CTNNA3: variants seen among roughly 807,000 people sequenced by gnomAD.
CTNNA3 encodes the protein catenin alpha-3.
CTNNA3 carries 76 observed loss-of-function variants against 95.7 expected under a neutral mutation model. The observed-to-expected ratio is 0.79, with a 90% CI of 0.66 to 0.96. The LOEUF is 0.96. Ranked by LOEUF, CTNNA3 falls within the 40% of genes least tolerant of loss-of-function variation. The pLI, the probability that CTNNA3 is intolerant of heterozygous loss-of-function variation, is 0.00. For missense variants in CTNNA3, 1,191 were observed against 1,089.8 expected (o/e 1.09, Z -1.31); for synonymous variants, 431 against 374.4 (o/e 1.15, Z -1.74).
intron 1 of CTNNA3, among the ~76,000 whole-genome samples, chr10:67,706,122 C>A (rs1300591052): frequency 6.6e-6 from 1 of 152,006 alleles, no homozygotes; most frequent in Non-Finnish European, 1.5e-5. Context: ...AGCTGGTGAC[C>A]ACTAGTGTCT....
chr10:66,426,573 T>G (rs944905423), intron 11 of CTNNA3, among the ~76,000 whole-genome samples: 2 of 152,106 alleles, frequency 1.3e-5, no homozygotes, highest in Non-Finnish European at 2.9e-5. Context: ...CACATAAAAC[T>G]TAATTGCTTT....
chr10:66,052,646 C>G (rs946188647), intron 15 of CTNNA3, among the ~76,000 whole-genome samples: 5 of 151,702 alleles, frequency 3.3e-5, no homozygotes, highest in Admixed American at 2.0e-4. Context: ...TGAGCACTAG[C>G]GAAAAATGGG....
intron 7 of CTNNA3, among the ~76,000 whole-genome samples, chr10:66,846,645 G>GA (rs1009340494): frequency 1.3e-5 from 2 of 151,592 alleles, no homozygotes; most frequent in East Asian, 1.9e-4. Flanking sequence ...GTATAGCTAT[G>GA]AAAAAAAAGA....
At chr10:67,657,965 G>C (rs912557238) in intron 1 of CTNNA3, among the ~76,000 whole-genome samples, 1 of 152,078 alleles carries the variant, frequency 6.6e-6, no homozygotes, top group African/African-American at 2.4e-5. Context: ...CCAGCAGAGG[G>C]AGGGCTAGAT....
At chr10:66,753,750 T>C (rs1839259224) in intron 9 of CTNNA3, among the ~76,000 whole-genome samples, 2 of 149,440 alleles carry the variant, frequency 1.3e-5, no homozygotes, top group Admixed American at 1.3e-4. Context: ...AATCTGAAAA[T>C]GAAATTAAGA....
intron 12 of CTNNA3, among the ~76,000 whole-genome samples, chr10:66,341,049 G>T (rs2092448802): frequency 6.6e-6 from 1 of 151,882 alleles, no homozygotes; most frequent in Admixed American, 6.6e-5. Context: ...AGTGGATACA[G>T]ATTAAGTGCC....
At chr10:67,690,193 T>C (rs1207001934) in intron 1 of CTNNA3, among the ~76,000 whole-genome samples, 1 of 152,144 alleles carries the variant, frequency 6.6e-6, no homozygotes, top group Non-Finnish European at 1.5e-5. Context: ...TTACGGCTCT[T>C]AAAGGCAGCA....
intron 7 of CTNNA3, among the ~76,000 whole-genome samples, chr10:66,858,722 G>T (rs574889207): frequency 6.6e-6 from 1 of 151,952 alleles, no homozygotes; most frequent in South Asian, 2.1e-4. Context: ...CTTCTGTGGG[G>T]TCAGCGGTAA....
chr10:66,726,476 T>A, intron 9 of CTNNA3, among the ~76,000 whole-genome samples: 1 of 152,084 alleles, frequency 6.6e-6, no homozygotes, highest in East Asian at 1.9e-4. Flanking sequence ...TAATCTCATG[T>A]TACAGTTGGC....
At chr10:67,021,953 C>T (rs1191553133) in intron 7 of CTNNA3, among the ~76,000 whole-genome samples, 5 of 152,116 alleles carry the variant, frequency 3.3e-5, no homozygotes, top group Non-Finnish European at 5.9e-5. Flanking sequence ...TAAAAGTAAA[C>T]TAAAAAGGTT....
At chr10:67,143,871 A>G (rs1860714925) in intron 7 of CTNNA3, among the ~76,000 whole-genome samples, 1 of 152,222 alleles carries the variant, frequency 6.6e-6, no homozygotes, top group African/African-American at 2.4e-5. Flanking sequence ...ACCTCCTTCC[A>G]TGAATCACAA....
intron 6 of CTNNA3, among the ~76,000 whole-genome samples, chr10:67,213,141 C>T (rs1339511273): frequency 6.6e-6 from 1 of 151,802 alleles, no homozygotes; most frequent in Non-Finnish European, 1.5e-5. Context: ...ATTGTCTATA[C>T]TTGAGTCAAT....
At chr10:67,320,584 G>T (rs192188419) in intron 5 of CTNNA3, among the ~76,000 whole-genome samples, 1 of 152,272 alleles carries the variant, frequency 6.6e-6, no homozygotes, top group Non-Finnish European at 1.5e-5. Flanking sequence ...TTCATGCTGG[G>T]TACTCAAAGG....
intron 5 of CTNNA3, among the ~76,000 whole-genome samples, chr10:67,243,484 C>A (rs1276785812): frequency 2.0e-5 from 3 of 152,132 alleles, no homozygotes; most frequent in Non-Finnish European, 4.4e-5. Flanking sequence ...TCTGTCATAC[C>A]ATCAGAGGAA....
chr10:66,376,918 T>C, intron 12 of CTNNA3, among the ~76,000 whole-genome samples: 1 of 152,188 alleles, frequency 6.6e-6, no homozygotes, highest in East Asian at 1.9e-4. Flanking sequence ...CTCCTGTTAG[T>C]AAATTCTGGA....
At chr10:67,043,646 AAC>A (rs1317236327) in intron 7 of CTNNA3, among the ~76,000 whole-genome samples, 2 of 152,080 alleles carry the variant, frequency 1.3e-5, no homozygotes, top group African/African-American at 2.4e-5. Flanking sequence ...AAGAACAGTT[AAC>A]ACCAATTCTT....
At chr10:66,414,949 C>T (rs750531877) in intron 11 of CTNNA3, among the ~76,000 whole-genome samples, 2 of 152,128 alleles carry the variant, frequency 1.3e-5, no homozygotes, top group Non-Finnish European at 2.9e-5. Flanking sequence ...TGACCACAGG[C>T]TTCTCCACCC....
intron 5 of CTNNA3, among the ~76,000 whole-genome samples, chr10:67,279,173 CT>C (rs1401829050): frequency 6.6e-6 from 1 of 152,060 alleles, no homozygotes; most frequent in African/African-American, 2.4e-5. Context: ...GTCATAAAAC[CT>C]AGAGTCTAAG....
intron 10 of CTNNA3, among the ~76,000 whole-genome samples, chr10:66,560,576 A>G (rs1213222639): frequency 6.6e-6 from 1 of 152,082 alleles, no homozygotes; most frequent in East Asian, 1.9e-4. Context: ...TTGGGAATCT[A>G]CAGCTTTATG....
Sources: gnomAD v4.1 joint callset for allele counts (sites outside exome capture counted in the v4.1 genomes callset) on GRCh38, gnomAD v4.1.1 for gene constraint, MANE v1.5 for transcripts, NCBI Gene and HGNC (gene_info 2026-07-23, HGNC 2026-07-21) for gene names.